The following PLA2G4A variants were observed in gnomAD, a reference collection of about 807,000 sequenced individuals.
The protein encoded by PLA2G4A is phospholipase A2 group IVA, also known as cytosolic phospholipase A2.
A neutral mutation model predicts 81.9 loss-of-function variants in PLA2G4A; 40 were observed. The ratio of observed to expected loss-of-function variants is 0.49; its 90% CI spans 0.38 to 0.64. The LOEUF is 0.64. Ranked by LOEUF, PLA2G4A falls within the 30% of genes least tolerant of loss-of-function variation. The probability of loss-of-function intolerance (pLI) is 0.00; values close to 1 mark genes in which losing one functional copy is unlikely to be tolerated. For missense variants in PLA2G4A, 715 were observed against 905.1 expected, an observed-to-expected ratio of 0.79 and a Z score of 2.69; for synonymous variants, 302 against 296.9, an observed-to-expected ratio of 1.02 and a Z score of -0.18.
At chr1:186,841,443 G>T (rs1441864120) in intron 1 of PLA2G4A, among the ~76,000 whole-genome samples, 1 of 152,142 alleles carries the variant, frequency 6.6e-6, no homozygotes, top group Admixed American at 6.5e-5. Flanking sequence ...GGGCAGGGTG[G>T]GGCAGGGAGG....
chr1:186,896,475 C>T (rs1654337015), intron 5 of PLA2G4A, among the ~76,000 whole-genome samples: 1 of 152,044 alleles, frequency 6.6e-6, no homozygotes, highest in Non-Finnish European at 1.5e-5. Flanking sequence ...AATCTTCAGG[C>T]CTTAGTTATT....
At chr1:186,853,297 T>A in intron 1 of PLA2G4A, among the ~76,000 whole-genome samples, 1 of 151,196 alleles carries the variant, frequency 6.6e-6, no homozygotes, top group East Asian at 1.9e-4. Context: ...TCCTATTGCT[T>A]TAAGTATTAA....
intron 2 of PLA2G4A, among the ~76,000 whole-genome samples, chr1:186,867,589 G>GT (rs201584245): frequency 0.016 from 2,429 of 151,382 alleles, 74 homozygotes; most frequent in African/African-American, 0.056. Context: ...AGTTCCAGGA[G>GT]TTTTTTTTTA....
chr1:186,888,508 A>G (rs556020881), intron 3 of PLA2G4A, among the ~76,000 whole-genome samples: 5 of 152,254 alleles, frequency 3.3e-5, no homozygotes, highest in African/African-American at 1.2e-4. Context: ...CAATTTCCCC[A>G]CCTACGATTT....
intron 7 of PLA2G4A, among the ~76,000 whole-genome samples, chr1:186,914,691 G>T (rs1350249562): frequency 1.3e-5 from 2 of 152,186 alleles, no homozygotes; most frequent in African/African-American, 4.8e-5. Context: ...TTAGGTCAGG[G>T]GTTGATGTTT....
At chr1:186,846,498 A>G (rs139713008) in intron 1 of PLA2G4A, among the ~76,000 whole-genome samples, 380 of 152,288 alleles carry the variant, frequency 2.5e-3, no homozygotes, top group African/African-American at 8.6e-3. Flanking sequence ...GCTCTCATGT[A>G]CCCTTCATTT....
chr1:186,898,186 C>T (rs755925584), intron 5 of PLA2G4A, among the ~76,000 whole-genome samples: 1 of 151,860 alleles, frequency 6.6e-6, no homozygotes, highest in Admixed American at 6.6e-5. Context: ...TTTAAAGATA[C>T]TAACTTGTAA....
chr1:186,837,447 G>A (rs1651818420), intron 1 of PLA2G4A, among the ~76,000 whole-genome samples: 1 of 151,782 alleles, frequency 6.6e-6, no homozygotes, highest in African/African-American at 2.4e-5. Flanking sequence ...AGTAAAATTT[G>A]GGCCAGGCTC....
At chr1:186,929,422 T>C (rs1655660866) in intron 7 of PLA2G4A, among the ~76,000 whole-genome samples, 1 of 152,230 alleles carries the variant, frequency 6.6e-6, no homozygotes, top group Non-Finnish European at 1.5e-5. Context: ...TTATAGTTCA[T>C]AGTTACAATT....
intron 1 of PLA2G4A, among the ~76,000 whole-genome samples, chr1:186,838,345 C>A (rs1336418269): frequency 6.6e-6 from 1 of 151,968 alleles, no homozygotes; most frequent in Non-Finnish European, 1.5e-5. Context: ...AATGGATAAC[C>A]AGTGCACTAA....
intron 14 of PLA2G4A, among the ~76,000 whole-genome samples, chr1:186,959,791 G>A (rs985886812): frequency 6.6e-6 from 1 of 151,934 alleles, no homozygotes; most frequent in African/African-American, 2.4e-5. Flanking sequence ...GGTTCATAAG[G>A]TCCTCCTTAA....
rs1395100391 is a variant in PLA2G4A at position 186,940,014 on chromosome 1, A to T, written c.953A>T (p.Lys318Ile). The T allele has an allele frequency of 6.2e-7, 1 of 1,602,008 alleles. No individual in the cohort carries two copies. Among genetic ancestry groups the T allele is most frequent in the Non-Finnish European group, 8.6e-7 (1 of 1,169,092 alleles). Residue 318 changes from lysine (K) to isoleucine (I), a missense_variant, in exon 10 of 18, where the codon AAA (lysine) becomes ATA (isoleucine). By Grantham distance (102) the Lys-to-Ile change is moderately radical (BLOSUM62 -3). Coordinates refer to ENST00000367466, the MANE Select transcript of PLA2G4A (RefSeq NM_024420.3). ...MNTTLSSLKE[K>I]VNTAQCPLPL... The stretch of plus-strand genomic sequence containing the variant: ...ACTACTCTGAGCAGTTTGAAGGAAA[A>T]AGTTAATACTGCACAATGCCCTTTA...
intron 2 of PLA2G4A, among the ~76,000 whole-genome samples, chr1:186,865,474 C>A (rs1292805720): frequency 1.3e-5 from 2 of 151,998 alleles, no homozygotes; most frequent in Non-Finnish European, 2.9e-5. Context: ...ACCAAAAAAA[C>A]CTCAGGATTT....
At chr1:186,955,248 G>A (rs1571439452) in intron 13 of PLA2G4A, among the ~76,000 whole-genome samples, 1 of 152,152 alleles carries the variant, frequency 6.6e-6, no homozygotes, top group African/African-American at 2.4e-5. Context: ...AACTTTATAA[G>A]CAAGGATGAA....
At chr1:186,980,480 A>C (rs1657685499) in intron 17 of PLA2G4A, among the ~76,000 whole-genome samples, 2 of 152,346 alleles carry the variant, frequency 1.3e-5, no homozygotes, top group Admixed American at 1.3e-4. Flanking sequence ...GCTTAAGTTC[A>C]GTGGCCTAAT....
At chr1:186,839,965 C>CTTTTTTTT (rs61704569) in intron 1 of PLA2G4A, among the ~76,000 whole-genome samples, 3 of 75,052 alleles carry the variant, frequency 4.0e-5, no homozygotes, top group Non-Finnish European at 4.7e-5. Flanking sequence ...TAATTGACTT[C>CTTTTTTTT]TTTTTTTTTT....
Position 186,946,915 on chromosome 1 carries a change from C to G in PLA2G4A, c.1218C>G (p.Gly406=). The G allele has an allele frequency of 1.9e-6, 3 of 1,611,984 alleles. No homozygotes were observed. Among genetic ancestry groups the G allele is most frequent in the Non-Finnish European group, 2.5e-6 (3 of 1,178,344 alleles). Residue 406 remains glycine (G), a synonymous_variant, in exon 12 of 18, where the codon GGC becomes GGG. Transcript: ENST00000367466. ...CCATATTGTTCAACAGAGTTTTGGGCGTTTCTGGTTCACAAAGCAGAGGCT... is the reference window on the plus strand; with the variant it reads ...CCATATTGTTCAACAGAGTTTTGGGGGTTTCTGGTTCACAAAGCAGAGGCT... ...AFSILFNRVL[G]VSGSQSRGST... is the part of the protein sequence containing the mutation.
chr1:186,897,529 G>A (rs74482962), intron 5 of PLA2G4A, among the ~76,000 whole-genome samples: 12,345 of 151,632 alleles, frequency 0.081, 689 homozygotes, highest in Non-Finnish European at 0.12. Flanking sequence ...TATTTTTTGA[G>A]ACAGGGTCTC....
rs1018616815 is a variant in PLA2G4A at position 186,854,296 on chromosome 1, C to T, written c.-59C>T. ...TTGTTTATTTTGTAGGTTTTAAAGA[C>T]GCTAGAGTGCCAAAGAAGACTTTGA... is the stretch of plus-strand genomic sequence containing the variant. On this transcript the variant is annotated 5_prime_UTR_variant, in exon 2 of 18. In the 5' UTR this introduces an upstream ATG that the reference lacks. Transcript: ENST00000367466. 43 of 974,572 alleles carry T rather than the reference C, an allele frequency of 4.4e-5. No homozygotes were observed. Among genetic ancestry groups the T allele is most frequent in the Admixed American group, 3.4e-5 (2 of 58,624 alleles). 60.4% of individuals were successfully genotyped at this position (974,572 alleles called of 1,614,324 possible).
Sources: allele counts gnomAD v4.1 joint callset (sites outside exome capture counted in the v4.1 genomes callset), GRCh38; gene constraint gnomAD v4.1.1; transcripts MANE v1.5; gene names NCBI Gene and HGNC (gene_info 2026-07-23, HGNC 2026-07-21).